The following EIPR1 variants were observed in gnomAD, a reference collection of about 807,000 sequenced individuals.
EIPR1 encodes the protein EARP and GARP complex-interacting protein 1.
EIPR1 carries 25 observed loss-of-function variants against 48.1 expected under a neutral mutation model. The ratio of observed to expected loss-of-function variants is 0.52; its 90% CI spans 0.38 to 0.73. The LOEUF is 0.73. EIPR1 is among the 30% of genes least tolerant of loss of function. The pLI, the probability that EIPR1 is intolerant of heterozygous loss-of-function variation, is 0.00. For synonymous variants in EIPR1, 204 were observed against 201.9 expected, an observed-to-expected ratio of 1.01 and a Z score of -0.09; for missense variants, 415 against 506.2, an observed-to-expected ratio of 0.82 and a Z score of 1.73.
intron 4 of EIPR1, among the ~76,000 whole-genome samples, chr2:3,240,385 T>A (rs374710310): frequency 7.4e-6 from 1 of 134,954 alleles, no homozygotes; most frequent in Non-Finnish European, 1.6e-5. Flanking sequence ...AGCCAGCAGA[T>A]CCTTCCTAAA....
chr2:3,279,758 C>T (rs1327375498), intron 3 of EIPR1, among the ~76,000 whole-genome samples: 5 of 152,208 alleles, frequency 3.3e-5, no homozygotes, highest in Admixed American at 2.0e-4. Flanking sequence ...TGACCTGACG[C>T]GCAGAGCTGT....
At chr2:3,269,753 G>A (rs567707746) in intron 3 of EIPR1, among the ~76,000 whole-genome samples, 4 of 151,708 alleles carry the variant, frequency 2.6e-5, no homozygotes, top group East Asian at 3.9e-4. Flanking sequence ...CAGTCATTGC[G>A]TGGAAATCTC....
At chr2:3,270,248 T>C (rs968598924) in intron 3 of EIPR1, among the ~76,000 whole-genome samples, 7 of 152,320 alleles carry the variant, frequency 4.6e-5, no homozygotes, top group Admixed American at 2.0e-4. Context: ...ACACGGGTGC[T>C]CGCTGCAGGG....
At chr2:3,276,622 A>G (rs1409001989) in intron 3 of EIPR1, among the ~76,000 whole-genome samples, 2 of 152,248 alleles carry the variant, frequency 1.3e-5, no homozygotes, top group East Asian at 3.9e-4. Flanking sequence ...GGCCAGCTCA[A>G]GTCCACTACC....
intron 3 of EIPR1, among the ~76,000 whole-genome samples, chr2:3,322,386 A>G (rs1403810520): frequency 2.6e-5 from 4 of 152,222 alleles, no homozygotes. Flanking sequence ...AAGCTCAAAA[A>G]ATGTTTTCAA....
At chr2:3,330,544 T>C (rs879586846) in intron 3 of EIPR1, among the ~76,000 whole-genome samples, 3 of 103,778 alleles carry the variant, frequency 2.9e-5, no homozygotes, top group Admixed American at 2.9e-4. Flanking sequence ...CAGGAGACAG[T>C]GTGAGCAGAG....
At chr2:3,375,613 A>G (rs1259026179) in intron 1 of EIPR1, among the ~76,000 whole-genome samples, 4 of 152,150 alleles carry the variant, frequency 2.6e-5, no homozygotes, top group African/African-American at 7.2e-5. Flanking sequence ...ATCTAGTTAA[A>G]GAGAAAGCAG....
intron 1 of EIPR1, among the ~76,000 whole-genome samples, chr2:3,360,170 G>A (rs1350738071): frequency 3.3e-5 from 5 of 152,064 alleles, no homozygotes; most frequent in Non-Finnish European, 5.9e-5. Context: ...TTGGGAGGCC[G>A]AGGCGAGCAG....
At chr2:3,352,388 C>T (rs1670604679) in intron 2 of EIPR1, among the ~76,000 whole-genome samples, 1 of 150,880 alleles carries the variant, frequency 6.6e-6, no homozygotes, top group Non-Finnish European at 1.5e-5. Flanking sequence ...GTTCCCGACA[C>T]CTTTGATCAG....
intron 3 of EIPR1, among the ~76,000 whole-genome samples, chr2:3,277,594 G>A (rs577219974): frequency 1.3e-5 from 2 of 152,170 alleles, no homozygotes; most frequent in Non-Finnish European, 2.9e-5. Context: ...ACTACTCCCC[G>A]GGGTGTTCAT....
At chr2:3,224,055 G>A (rs955328449) in intron 4 of EIPR1, among the ~76,000 whole-genome samples, 2 of 152,142 alleles carry the variant, frequency 1.3e-5, no homozygotes, top group Non-Finnish European at 2.9e-5. Flanking sequence ...CTGTTGTGTT[G>A]CCTTTTCTTC....
chr2:3,297,606 G>A (rs2103288376), intron 3 of EIPR1, among the ~76,000 whole-genome samples: 1 of 152,346 alleles, frequency 6.6e-6, no homozygotes, highest in South Asian at 2.1e-4. Context: ...TTTCTGTAAA[G>A]GGCCAGGTCA....
At chr2:3,366,830 G>A (rs964205393) in intron 1 of EIPR1, among the ~76,000 whole-genome samples, 3 of 152,190 alleles carry the variant, frequency 2.0e-5, no homozygotes, top group Non-Finnish European at 4.4e-5. Flanking sequence ...CAAGGCAGAC[G>A]GAACACGAGG....
At chr2:3,291,696 CCTTT>C (rs1668370979) in intron 3 of EIPR1, among the ~76,000 whole-genome samples, 3 of 152,270 alleles carry the variant, frequency 2.0e-5, no homozygotes, top group East Asian at 1.9e-4. Flanking sequence ...CCCTTTCCAT[CCTTT>C]CTCTCATTTA....
chr2:3,221,650 G>C (rs184256650), intron 4 of EIPR1, among the ~76,000 whole-genome samples: 2 of 15,934 alleles, frequency 1.3e-4, no homozygotes, highest in African/African-American at 2.3e-4. Context: ...ACAGTGAGTC[G>C]GGAACACACG....
chr2:3,294,126 G>A (rs1231025993), intron 3 of EIPR1, among the ~76,000 whole-genome samples: 2 of 152,108 alleles, frequency 1.3e-5, no homozygotes, highest in Non-Finnish European at 2.9e-5. Flanking sequence ...ATCTTATTGT[G>A]TAGAAGTAAT....
At chr2:3,208,490 C>G (rs1665312199) in intron 5 of EIPR1, 1 of 1,522,486 alleles carries the variant, frequency 6.6e-7, no homozygotes, top group Non-Finnish European at 8.8e-7. Flanking sequence ...GGAGGGGGCC[C>G]AATTATATGA....
At position 3,214,242 on chromosome 2, in the gene EIPR1, C is replaced by A. The variant is rs1185992791; in HGVS notation, c.423G>T (p.Val141=). The change falls in exon 5 of 9, where the codon GTG becomes GTT. Residue 141 remains valine, a synonymous_variant. Coordinates refer to ENST00000382125, the MANE Select transcript of EIPR1 (RefSeq NM_003310.5). ...NTAHGNMACV[V]WEPMGDGKKI... is the part of the protein sequence containing the mutation. Reference sequence around the variant, plus strand: ...TCTTCCCATCTCCCATTGGCTCCCACACGACACTAAGAGAAAGAGAAGTAC... The same window carrying A: ...TCTTCCCATCTCCCATTGGCTCCCAAACGACACTAAGAGAAAGAGAAGTAC... 2 of 1,613,436 alleles carry A rather than the reference C, an allele frequency of 1.2e-6. No homozygotes were observed. Among genetic ancestry groups the A allele is most frequent in the Non-Finnish European group, 1.7e-6 (2 of 1,179,678 alleles).
chr2:3,377,718 ACTCACACGCTAAGGACCTC>A lies in EIPR1; in HGVS notation c.-48_-30del. ...GCGGGGAAGCGACCCGACCCCGGCC[ACTCACACGCTAAGGACCTC>A]GCTACGGCCGGCGCGTCCCCACCTC... On this transcript the variant is annotated 5_prime_UTR_variant, in exon 1 of 9. It removes the in-frame stop codon of an upstream open reading frame in the 5' UTR. Transcript: ENST00000382125. 1 of 1,568,000 alleles carries A rather than the reference ACTCACACGCTAAGGACCTC, an allele frequency of 6.4e-7. No homozygotes were observed. Among genetic ancestry groups the A allele is most frequent in the Non-Finnish European group, 8.7e-7 (1 of 1,155,966 alleles).
Sources: allele counts gnomAD v4.1 joint callset (sites outside exome capture counted in the v4.1 genomes callset), GRCh38; gene constraint gnomAD v4.1.1; transcripts MANE v1.5; gene names NCBI Gene and HGNC (gene_info 2026-07-23, HGNC 2026-07-21).